Variants in STXBP5 observed in about 807,000 individuals in gnomAD.
STXBP5 encodes syntaxin-binding protein 5.
In STXBP5, 50 loss-of-function variants were observed where a neutral mutation model predicts 152.4. The ratio of observed to expected loss-of-function variants is 0.33; its 90% CI spans 0.26 to 0.42. The LOEUF is 0.42. Ranked by LOEUF, STXBP5 falls within the 10% of genes least tolerant of loss-of-function variation. The probability of loss-of-function intolerance (pLI) is 1.00; values close to 1 mark genes in which losing one functional copy is unlikely to be tolerated. For missense variants in STXBP5, 1,167 were observed against 1,388.6 expected (o/e 0.84, Z 2.54); for synonymous variants, 492 against 494.7 (o/e 0.99, Z 0.07).
intron 2 of STXBP5, among the ~76,000 whole-genome samples, chr6:147,206,867 ATG>A (rs1386676305): frequency 6.6e-6 from 1 of 152,006 alleles, no homozygotes. Context: ...TTATGTTGAA[ATG>A]TGTTTTCTTT....
intron 2 of STXBP5, among the ~76,000 whole-genome samples, chr6:147,224,710 C>G (rs1777624509): frequency 6.6e-6 from 1 of 151,962 alleles, no homozygotes; most frequent in African/African-American, 2.4e-5. Context: ...TTTCATTTAT[C>G]CCCCATAACA....
chr6:147,341,272 A>G (rs1784079292), intron 21 of STXBP5, among the ~76,000 whole-genome samples: 1 of 152,132 alleles, frequency 6.6e-6, no homozygotes, highest in African/African-American at 2.4e-5. Context: ...GCTATTGAAA[A>G]ACATAAAATG....
chr6:147,214,641 A>AAG, intron 2 of STXBP5, among the ~76,000 whole-genome samples: 1 of 152,176 alleles, frequency 6.6e-6, no homozygotes. Context: ...TGAGCCTTTA[A>AAG]AATTTTGATT....
In STXBP5 at chr6:147,204,486, C is replaced by T. The variant is rs1582776628; in HGVS notation, c.-47C>T. 3 of 1,596,280 alleles carry T rather than the reference C, an allele frequency of 1.9e-6. No homozygotes were observed. The highest frequency in any genetic ancestry group is 2.6e-6 in the Non-Finnish European group (3 of 1,172,682). On this transcript the variant is annotated 5_prime_UTR_variant, in exon 1 of 28. Coordinates refer to ENST00000321680, the MANE Select transcript of STXBP5 (RefSeq NM_001127715.4). The surrounding 1 kb of genome is among the most constrained non-coding windows in gnomAD (Gnocchi z 4.3). ...CCGGGTGGTCTCCCCCGCCCGGGGA[C>T]CCCCTGTGCCTCCCCTCCCGGGCTG...
At chr6:147,368,361 G>A (rs761655516) in intron 25 of STXBP5, among the ~76,000 whole-genome samples, 13 of 152,000 alleles carry the variant, frequency 8.6e-5, no homozygotes, top group Non-Finnish European at 1.0e-4. Flanking sequence ...TTGACCTAAC[G>A]TTTGAAAATC....
chr6:147,234,551 C>T (rs1375324399), intron 2 of STXBP5, among the ~76,000 whole-genome samples: 2 of 151,802 alleles, frequency 1.3e-5, no homozygotes, highest in Non-Finnish European at 2.9e-5. Context: ...AAATAACATT[C>T]TTCGTGAGTT....
At chr6:147,349,744 G>C (rs1042295150) in intron 21 of STXBP5, among the ~76,000 whole-genome samples, 1 of 152,020 alleles carries the variant, frequency 6.6e-6, no homozygotes, top group African/African-American at 2.4e-5. Flanking sequence ...GTATATCCCT[G>C]CCCTCTGGCA....
chr6:147,219,190 A>G (rs1345078892), intron 2 of STXBP5, among the ~76,000 whole-genome samples: 1 of 152,206 alleles, frequency 6.6e-6, no homozygotes, highest in Non-Finnish European at 1.5e-5. Flanking sequence ...TGATATAATC[A>G]TGTGATTTTT....
intron 2 of STXBP5, among the ~76,000 whole-genome samples, chr6:147,231,830 A>T (rs1562425164): frequency 6.6e-6 from 1 of 151,860 alleles, no homozygotes; most frequent in Non-Finnish European, 1.5e-5. Flanking sequence ...ATTTCTTAAT[A>T]AAAATGTTAA....
At chr6:147,332,400 A>C (rs1262846119) in intron 18 of STXBP5, among the ~76,000 whole-genome samples, 3 of 152,214 alleles carry the variant, frequency 2.0e-5, no homozygotes, top group Non-Finnish European at 4.4e-5. Flanking sequence ...TGGAGTGTTA[A>C]ATTTAAAATA....
In STXBP5 at chr6:147,389,021, CCT is replaced by C; in HGVS notation, c.*4267_*4268del. 1 of 151,492 alleles carries C rather than the reference CCT, an allele frequency of 6.6e-6. No individual in the cohort carries two copies. Among genetic ancestry groups the C allele is most frequent in the African/African-American group, 2.4e-5 (1 of 41,358 alleles). 9.4% of individuals were successfully genotyped at this position (151,492 alleles called of 1,614,324 possible). On this transcript the variant is annotated 3_prime_UTR_variant, in exon 28 of 28. Transcript: ENST00000321680. ...TTTACTTTGGGGGGAAAAAAGCACT[CCT>C]ATATCTTAAATGTCCTTCTTTTTTC...
At chr6:147,208,337 C>G (rs913790928) in intron 2 of STXBP5, among the ~76,000 whole-genome samples, 1 of 152,056 alleles carries the variant, frequency 6.6e-6, no homozygotes, top group Non-Finnish European at 1.5e-5. Flanking sequence ...TATTATGGTT[C>G]TGATTTATAG....
chr6:147,315,230 C>T (rs958092428), intron 14 of STXBP5, among the ~76,000 whole-genome samples: 35 of 152,090 alleles, frequency 2.3e-4, no homozygotes, highest in African/African-American at 8.2e-4. Context: ...TGTATTTACA[C>T]ATTATTTTTC....
At chr6:147,316,758 T>C (rs922336676) in intron 16 of STXBP5, among the ~76,000 whole-genome samples, 6 of 93,422 alleles carry the variant, frequency 6.4e-5, no homozygotes, top group African/African-American at 3.3e-4. Context: ...TCTACAACTC[T>C]GAAAATTCTG....
intron 2 of STXBP5, among the ~76,000 whole-genome samples, chr6:147,226,568 G>A (rs141541201): frequency 1.3e-5 from 2 of 152,176 alleles, no homozygotes; most frequent in African/African-American, 2.4e-5. Context: ...ACAGAATTCA[G>A]TATGACTGTA....
intron 2 of STXBP5, among the ~76,000 whole-genome samples, chr6:147,210,364 A>G (rs1361391911): frequency 6.6e-6 from 1 of 152,090 alleles, no homozygotes; most frequent in Admixed American, 6.6e-5. Context: ...TTTTAGTGTG[A>G]GAATTTGATA....
intron 2 of STXBP5, among the ~76,000 whole-genome samples, chr6:147,233,787 C>T (rs1204474521): frequency 6.6e-6 from 1 of 151,026 alleles, no homozygotes; most frequent in Admixed American, 6.6e-5. Context: ...ATTCTAGTTT[C>T]CTGCAGTTGT....
chr6:147,384,601 C>T (rs770546018), intron 27 of STXBP5, 113 bp from the exon 28 acceptor site: 7 of 1,013,328 alleles, frequency 6.9e-6, no homozygotes, highest in African/African-American at 1.6e-5. Flanking sequence ...CATATAGTAG[C>T]ACTACAGAAT....
chr6:147,207,457 A>G (rs1231265313), intron 2 of STXBP5, among the ~76,000 whole-genome samples: 3 of 152,154 alleles, frequency 2.0e-5, no homozygotes, highest in Non-Finnish European at 4.4e-5. Context: ...CTCTTGCCCA[A>G]ATATCTAGAT....
Sources: gnomAD v4.1 joint callset for allele counts (sites outside exome capture counted in the v4.1 genomes callset) on GRCh38, gnomAD v4.1.1 for gene constraint, Gnocchi (gnomAD v3.1) non-coding constraint, MANE v1.5 for transcripts, NCBI Gene and HGNC (gene_info 2026-07-23, HGNC 2026-07-21) for gene names.